ATP5IF1: variants seen among roughly 807,000 people sequenced by gnomAD.
ATP5IF1 encodes the protein ATPase inhibitor, mitochondrial.
Under a neutral mutation model 8.5 loss-of-function variants are expected in ATP5IF1, and 12 were observed. The ratio of observed to expected loss-of-function variants is 1.41; its 90% CI spans 0.90 to 2.28. ATP5IF1 has a LOEUF of 2.28. ATP5IF1 is among the 30% of genes most tolerant of loss of function. The pLI is 0.00. For synonymous variants in ATP5IF1, 51 were observed against 53.4 expected (o/e 0.96, Z 0.19); for missense variants, 154 against 140.2 (o/e 1.10, Z -0.50).
In ATP5IF1 at chr1:28,236,179, C is replaced by T; in HGVS notation, c.-5C>T. 7 of 1,612,820 alleles carry T rather than the reference C, an allele frequency of 4.3e-6. No homozygotes were observed. The highest frequency in any genetic ancestry group is 5.9e-6 in the Non-Finnish European group (7 of 1,179,936). On this transcript the variant is annotated 5_prime_UTR_variant, in exon 1 of 3. Coordinates refer to ENST00000335514, the MANE Select transcript of ATP5IF1 (RefSeq NM_016311.5). The stretch of plus-strand genomic sequence containing the variant: ...AGAGACGCCAGAGGTGCAGCTCCAG[C>T]AGCAATGGCAGTGACGGCGTTGGCG...
chr1:28,236,502 C>A, intron 2 of ATP5IF1, 50 bp downstream of exon 2: 1 of 1,613,458 alleles, frequency 6.2e-7, no homozygotes, highest in South Asian at 1.1e-5. Flanking sequence ...CAATGGCCTT[C>A]CAATCCTTAA....
intron 2 of ATP5IF1, chr1:28,237,564 C>T: frequency 7.1e-7 from 1 of 1,418,420 alleles, no homozygotes; most frequent in African/African-American, 1.4e-5. Flanking sequence ...TTGTTCCCCT[C>T]ATAAGGTATT....
In ATP5IF1 at chr1:28,237,773, A is replaced by G. The variant is rs1647051561; in HGVS notation, c.180-64A>G. The stretch of plus-strand genomic sequence containing the variant: ...ATTCCTTGCTTAGACATTACAGGTT[A>G]TGCTTTGAGATCTCTTTGGGGTGAA... On this transcript the variant is annotated intron_variant, in intron 2 of 2. Coordinates refer to ENST00000335514, the MANE Select transcript of ATP5IF1 (RefSeq NM_016311.5). The G allele has an allele frequency of 1.9e-6, 3 of 1,614,176 alleles. No individual in the cohort carries two copies. The East Asian group carries it at 6.7e-5, about 36-fold the overall frequency.
intron 2 of ATP5IF1, chr1:28,236,861 C>T (rs1053204354): frequency 2.2e-5 from 25 of 1,151,388 alleles, no homozygotes; most frequent in South Asian, 3.8e-5. Flanking sequence ...CCTGTCACCC[C>T]CTCTACGCTC....
chr1:28,236,531 C>T lies in ATP5IF1; in HGVS notation c.179+79C>T, dbSNP rs757266091. On this transcript the variant is annotated intron_variant, in intron 2 of 2. Transcript: ENST00000335514. ...TCCTTAAACTGCCAATCGCCCCACC[C>T]GTTCCTACCTGGTGCCTTGGGCGCC... 3.1e-6 allele frequency: 5 copies of T among 1,601,572 alleles called. No individual in the cohort carries two copies. The Admixed American group carries it at 8.7e-5, about 28-fold the overall frequency.
rs374584642 is a variant in ATP5IF1, at chr1:28,237,937, C to T, written c.280C>T (p.Arg94Cys). The T allele has an allele frequency of 7.4e-6, 12 of 1,613,322 alleles. No individual in the cohort carries two copies. Among genetic ancestry groups the T allele is most frequent in the East Asian group, 2.2e-5 (1 of 44,904 alleles). The change falls in exon 3 of 3, where the codon CGC (arginine) becomes TGC (cysteine). Residue 94 changes from arginine (R) to cysteine (C), a missense_variant. By Grantham distance (180) the Arg-to-Cys change is radical. Transcript: ENST00000335514. Reference sequence around the variant, plus strand: ...TGAGCGTCTGCAGAAAGAAATTGAGCGCCATAAGCAGAAGATCAAAATGCT... The same window carrying T: ...TGAGCGTCTGCAGAAAGAAATTGAGTGCCATAAGCAGAAGATCAAAATGCT... ...EIERLQKEIE[R>C]HKQKIKMLKH...
intron 2 of ATP5IF1, 126 bp downstream of exon 2, chr1:28,236,578 G>A: frequency 6.5e-7 from 1 of 1,547,138 alleles, no homozygotes; most frequent in African/African-American, 1.4e-5. Flanking sequence ...CAGAACTCCC[G>A]GGCCCCAATC....
chr1:28,237,932 T>C lies in ATP5IF1; in HGVS notation c.275T>C (p.Ile92Thr). The part of the protein sequence containing the change: ...KKEIERLQKE[I>T]ERHKQKIKML... ...GAGATTGAGCGTCTGCAGAAAGAAA[T>C]TGAGCGCCATAAGCAGAAGATCAAA... Residue 92 changes from isoleucine (I) to threonine (T), a missense_variant, in exon 3 of 3, where the codon ATT (isoleucine) becomes ACT (threonine). By Grantham distance (89) the Ile-to-Thr change is moderately conservative (BLOSUM62 -1). Coordinates refer to ENST00000335514, the MANE Select transcript of ATP5IF1 (RefSeq NM_016311.5). The C allele has an allele frequency of 6.2e-7, 1 of 1,613,710 alleles. No individual in the cohort carries two copies. The highest frequency in any genetic ancestry group is 8.5e-7 in the Non-Finnish European group (1 of 1,180,024).
chr1:28,236,481 C>T, intron 2 of ATP5IF1, 29 bp downstream of exon 2: 1 of 1,613,994 alleles, frequency 6.2e-7, no homozygotes, highest in Non-Finnish European at 8.5e-7. Context: ...CAAGTCCAGC[C>T]CTGGATCTCC....
intron 2 of ATP5IF1, chr1:28,236,797 A>C: frequency 8.2e-7 from 1 of 1,222,890 alleles, no homozygotes; most frequent in Non-Finnish European, 1.0e-6. Flanking sequence ...CACAGTGTCT[A>C]GATCCGACCG....
intron 1 of ATP5IF1, 36 bp downstream of exon 1, chr1:28,236,306 G>T: frequency 6.2e-7 from 1 of 1,614,192 alleles, no homozygotes. Flanking sequence ...CCAGCCCCGC[G>T]GGCGGATCCC....
At chr1:28,237,727 T>G (rs1354973139) in intron 2 of ATP5IF1, 110 bp from the exon 3 acceptor site, 1 of 1,612,920 alleles carries the variant, frequency 6.2e-7, no homozygotes. Context: ...CCAGCTAGAC[T>G]CCCATGGAAT....
In ATP5IF1 at chr1:28,236,231, C is replaced by A. The variant is rs755536761; in HGVS notation, c.48C>A (p.Gly16=). 2 of 1,613,750 alleles carry A rather than the reference C, an allele frequency of 1.2e-6. No individual in the cohort carries two copies. Among genetic ancestry groups the A allele is most frequent in the East Asian group, 2.2e-5 (1 of 44,890 alleles). Residue 16 remains glycine, a synonymous_variant, in exon 1 of 3, where the codon GGC becomes GGA. Transcript: ENST00000335514. The stretch of plus-strand genomic sequence containing the variant: ...CGCGGACGTGGCTTGGCGTGTGGGG[C>A]GTGAGGACCATGCAAGCCCGAGGCT... ...LAARTWLGVW[G]VRTMQARGFG...
chr1:28,237,720 G>A (rs760640267), intron 2 of ATP5IF1, 117 bp from the exon 3 acceptor site: 86 of 1,611,626 alleles, frequency 5.3e-5, no homozygotes, highest in Admixed American at 1.5e-4. Context: ...AGGATGACCA[G>A]CTAGACTCCC....
At chr1:28,236,834 C>T (rs955678854) in intron 2 of ATP5IF1, 1 of 1,180,270 alleles carries the variant, frequency 8.5e-7, no homozygotes, top group Non-Finnish European at 1.1e-6. Flanking sequence ...CAGCCTGACT[C>T]CCTCGGCCCT....
At position 28,237,922 on chromosome 1, in the gene ATP5IF1, CAGAA is replaced by C. The variant is rs755666933; in HGVS notation, c.271_274del (p.Glu91LeufsTer11). On this transcript the variant is annotated frameshift_variant, in exon 3 of 3. Coordinates refer to ENST00000335514, the MANE Select transcript of ATP5IF1 (RefSeq NM_016311.5). LOFTEE classifies it high-confidence loss of function. ...TCATAAGAAGGAGATTGAGCGTCTG[CAGAA>C]AGAAATTGAGCGCCATAAGCAGAAG... is the stretch of plus-strand genomic sequence containing the variant. 2 of 1,613,898 alleles carry C rather than the reference CAGAA, an allele frequency of 1.2e-6. No homozygotes were observed. The highest frequency in any genetic ancestry group is 1.7e-6 in the Non-Finnish European group (2 of 1,180,018).
chr1:28,237,877 C>T lies in ATP5IF1; in HGVS notation c.220C>T (p.His74Tyr). 6.2e-7 allele frequency: 1 copy of T among 1,614,074 alleles called. No homozygotes were observed. The highest frequency in any genetic ancestry group is 8.5e-7 in the Non-Finnish European group (1 of 1,180,006). Residue 74 changes from histidine (H) to tyrosine (Y), a missense_variant, in exon 3 of 3, where the codon CAT becomes TAT. His to Tyr is a moderately conservative substitution (Grantham distance 83). Transcript: ENST00000335514. ...REQLAALKKHHEEEIVHHKKE... is the reference protein window; with the variant it reads ...REQLAALKKHYEEEIVHHKKE... ...ACAACTGGCAGCTTTGAAAAAACACCATGAAGAAGAAATCGTTCATCATAA... is the reference window on the plus strand; with the variant it reads ...ACAACTGGCAGCTTTGAAAAAACACTATGAAGAAGAAATCGTTCATCATAA...
chr1:28,238,035 G>A lies in ATP5IF1; in HGVS notation c.*57G>A. The A allele has an allele frequency of 6.6e-7, 1 of 1,524,830 alleles. No homozygotes were observed. The allele number at this position is 1,524,830 out of a possible 1,614,324, so 94.5% of individuals were successfully genotyped here. A position where few individuals can be genotyped will look rare whatever the true frequency, so the allele number is the denominator to read the frequency against. On this transcript the variant is annotated 3_prime_UTR_variant, in exon 3 of 3. Coordinates refer to ENST00000335514, the MANE Select transcript of ATP5IF1 (RefSeq NM_016311.5). Reference sequence around the variant, plus strand: ...TCATTGCCCACTTCTGTGTAGACATGGTTCTGGTTTAACTAATATTTGTCT... The same window carrying A: ...TCATTGCCCACTTCTGTGTAGACATAGTTCTGGTTTAACTAATATTTGTCT...
rs1178101961 is a variant in ATP5IF1, at chr1:28,236,164, G to GGGGTGC, written c.-20_-19insGGGTGC. ...ACTGCTTGCTGCGGCAGAGACGCCA[G>GGGGTGC]AGGTGCAGCTCCAGCAGCAATGGCA... On this transcript the variant is annotated 5_prime_UTR_variant, in exon 1 of 3. Coordinates refer to ENST00000335514, the MANE Select transcript of ATP5IF1 (RefSeq NM_016311.5). 1.9e-6 allele frequency: 3 copies of GGGGTGC among 1,611,102 alleles called. No homozygotes were observed. The highest frequency in any genetic ancestry group is 1.7e-5 in the Admixed American group (1 of 59,978).
Sources: allele counts gnomAD v4.1 joint callset, GRCh38; gene constraint gnomAD v4.1.1; transcripts MANE v1.5; gene names NCBI Gene and HGNC (gene_info 2026-07-23, HGNC 2026-07-21).